IMMP2L: variants seen among roughly 807,000 people sequenced by gnomAD.
IMMP2L encodes the protein inner mitochondrial membrane peptidase subunit 2.
IMMP2L carries 18 observed loss-of-function variants against 19.3 expected under a neutral mutation model. The ratio of observed to expected loss-of-function variants is 0.93; its 90% CI spans 0.64 to 1.38. The LOEUF is 1.38. Among genes scored for constraint, IMMP2L ranks in the 40% most tolerant of loss-of-function variants. IMMP2L has a pLI of 0.00. For missense variants in IMMP2L, 233 were observed against 218.2 expected (o/e 1.07, Z -0.43); for synonymous variants, 76 against 73.0 (o/e 1.04, Z -0.21).
At chr7:110,702,253 T>C (rs1173563662) in intron 5 of IMMP2L, among the ~76,000 whole-genome samples, 2 of 152,104 alleles carry the variant, frequency 1.3e-5, no homozygotes, top group Admixed American at 6.6e-5. Context: ...GTTTCTAAAA[T>C]CTTGTTGAAC....
chr7:110,943,475 G>A (rs542491741), intron 4 of IMMP2L, among the ~76,000 whole-genome samples: 19 of 152,016 alleles, frequency 1.2e-4, no homozygotes, highest in Non-Finnish European at 2.1e-4. Context: ...GTCATGCAGC[G>A]GCTTCTTTTG....
chr7:111,035,903 C>A (rs1235469975), intron 3 of IMMP2L, among the ~76,000 whole-genome samples: 3 of 152,062 alleles, frequency 2.0e-5, no homozygotes, highest in African/African-American at 4.8e-5. Flanking sequence ...GGGCAAGTTA[C>A]CTCCCTGTGC....
chr7:111,002,422 G>A (rs1823809345), intron 3 of IMMP2L, among the ~76,000 whole-genome samples: 1 of 152,086 alleles, frequency 6.6e-6, no homozygotes, highest in East Asian at 1.9e-4. Context: ...ATAAAGAGAT[G>A]AGGAATTTGG....
chr7:111,187,076 G>A (rs1808350864), intron 3 of IMMP2L, among the ~76,000 whole-genome samples: 1 of 152,066 alleles, frequency 6.6e-6, no homozygotes, highest in South Asian at 2.1e-4. Flanking sequence ...GGAAAAGACT[G>A]CAAACGTATA....
Position 110,871,835 on chromosome 7 carries a change from T to A in IMMP2L, c.408+14758A>T, listed in dbSNP as rs571928244. Among the ~76,000 whole-genome samples, 114 of 152,282 alleles carry A rather than the reference T, an allele frequency of 7.5e-4. 1 individual carries two copies. The highest frequency in any genetic ancestry group is 2.7e-3 in the African/African-American group (112 of 41,576). On this transcript the variant is annotated intron_variant, in intron 5 of 5. Transcript: ENST00000405709. Reference sequence around the variant, plus strand: ...ATGAAATACTATCTGGCACACATACTAAATTTATCTAAACAAAGACCTCAG... The same window carrying A: ...ATGAAATACTATCTGGCACACATACAAAATTTATCTAAACAAAGACCTCAG...
chr7:111,295,776 T>A (rs906296226), intron 3 of IMMP2L, among the ~76,000 whole-genome samples: 1 of 151,778 alleles, frequency 6.6e-6, no homozygotes, highest in African/African-American at 2.4e-5. Flanking sequence ...GAGCTATGTA[T>A]AATGAAATTT....
intron 3 of IMMP2L, chr7:111,124,981 A>C: frequency 1.0e-6 from 1 of 957,998 alleles, no homozygotes; most frequent in Non-Finnish European, 1.5e-6. Flanking sequence ...ACAAAACAAA[A>C]CAAACAAACA....
At chr7:111,004,055 T>A (rs1332263649) in intron 3 of IMMP2L, among the ~76,000 whole-genome samples, 1 of 152,142 alleles carries the variant, frequency 6.6e-6, no homozygotes, top group Non-Finnish European at 1.5e-5. Flanking sequence ...GAGAGAATGA[T>A]GCATCCCAAT....
At chr7:110,746,757 G>A (rs914212888) in intron 5 of IMMP2L, among the ~76,000 whole-genome samples, 1 of 152,164 alleles carries the variant, frequency 6.6e-6, no homozygotes, top group African/African-American at 2.4e-5. Flanking sequence ...AAAGCAGTGT[G>A]TAGAGGGAAA....
At chr7:111,514,155 G>A (rs890583079) in intron 2 of IMMP2L, among the ~76,000 whole-genome samples, 3 of 152,020 alleles carry the variant, frequency 2.0e-5, no homozygotes, top group Admixed American at 6.5e-5. Context: ...TTATACACTC[G>A]AATTTTACTA....
chr7:110,713,743 A>C (rs1408698479), intron 5 of IMMP2L, among the ~76,000 whole-genome samples: 3 of 151,710 alleles, frequency 2.0e-5, no homozygotes, highest in Non-Finnish European at 1.5e-5. Context: ...CTCAGCTTGA[A>C]TATTACTGGT....
chr7:110,773,959 G>A lies in IMMP2L; in HGVS notation c.409-110238C>T, dbSNP rs550668504. 4.0e-5 allele frequency among the ~76,000 whole-genome samples: 6 copies of A among 151,016 alleles called. No homozygotes were observed. The South Asian group carries it at 1.3e-3, about 32-fold the overall frequency. ...AGCCATTTAAAAGGAAGGTAGTATT[G>A]GAAACAGACATATTTTCTTTCTGTA... On this transcript the variant is annotated intron_variant, in intron 5 of 5. Transcript: ENST00000405709.
chr7:110,754,385 A>G (rs886616065), intron 5 of IMMP2L, among the ~76,000 whole-genome samples: 2 of 152,166 alleles, frequency 1.3e-5, no homozygotes, highest in African/African-American at 4.8e-5. Context: ...AGCCTGTAGA[A>G]GTAGAGTACA....
intron 3 of IMMP2L, among the ~76,000 whole-genome samples, chr7:111,331,855 G>A (rs1242642322): frequency 6.6e-6 from 1 of 151,754 alleles, no homozygotes; most frequent in East Asian, 1.9e-4. Context: ...AGAATTCAAG[G>A]AATTCTGGAT....
chr7:110,719,730 T>G (rs1795453443), intron 5 of IMMP2L, among the ~76,000 whole-genome samples: 2 of 152,202 alleles, frequency 1.3e-5, no homozygotes, highest in Admixed American at 1.3e-4. Flanking sequence ...CTCTGTGATC[T>G]TCGCAGAAAA....
At chr7:111,513,950 C>CA (rs1845664243) in intron 2 of IMMP2L, among the ~76,000 whole-genome samples, 1 of 151,942 alleles carries the variant, frequency 6.6e-6, no homozygotes, top group East Asian at 1.9e-4. Context: ...ACAAATACTG[C>CA]ATGATCTCAC....
chr7:110,751,222 T>C (rs574815962), intron 5 of IMMP2L, among the ~76,000 whole-genome samples: 1 of 151,264 alleles, frequency 6.6e-6, no homozygotes, highest in Admixed American at 6.6e-5. Flanking sequence ...ACAGTCATTA[T>C]GGAAAGACAG....
intron 3 of IMMP2L, among the ~76,000 whole-genome samples, chr7:111,292,284 T>C (rs1226072254): frequency 1.3e-5 from 2 of 152,118 alleles, no homozygotes; most frequent in African/African-American, 4.8e-5. Flanking sequence ...TTCTGTTGGA[T>C]TCCTCTGGAT....
At chr7:111,283,377 G>A (rs1820115546) in intron 3 of IMMP2L, among the ~76,000 whole-genome samples, 1 of 152,136 alleles carries the variant, frequency 6.6e-6, no homozygotes, top group Admixed American at 6.6e-5. Flanking sequence ...CAGAACAGAG[G>A]AAGTAACATT....
Sources: gnomAD v4.1 joint callset for allele counts (sites outside exome capture counted in the v4.1 genomes callset) on GRCh38, gnomAD v4.1.1 for gene constraint, MANE v1.5 for transcripts, NCBI Gene and HGNC (gene_info 2026-07-23, HGNC 2026-07-21) for gene names.